Variants in ESRRB observed in about 807,000 individuals in gnomAD.
The protein encoded by ESRRB is steroid hormone receptor ERR2.
Under a neutral mutation model 46.0 loss-of-function variants are expected in ESRRB, and 16 were observed. The observed-to-expected ratio is 0.35, with a 90% CI of 0.24 to 0.53. ESRRB has a LOEUF of 0.53. Ranked by LOEUF, ESRRB falls within the 20% of genes least tolerant of loss-of-function variation. The pLI, the probability that ESRRB is intolerant of heterozygous loss-of-function variation, is 0.93. For synonymous variants in ESRRB, 246 were observed against 259.6 expected, an observed-to-expected ratio of 0.95 and a Z score of 0.50; for missense variants, 488 against 607.4, an observed-to-expected ratio of 0.80 and a Z score of 2.07.
chr14:76,499,708 A>T lies in ESRRB; in HGVS notation c.*1250A>T, dbSNP rs1242252576. ...GCAGTCCCCCTGGCTGTGCCAGGTA[A>T]CCAACCGTCTTGGTTTGTCCAGGAC... On this transcript the variant is annotated 3_prime_UTR_variant, in exon 7 of 7. Coordinates refer to ENST00000644823, the MANE Select transcript of ESRRB (RefSeq NM_001379180.1). The T allele has an allele frequency of 1.5e-5, 11 of 728,986 alleles. No homozygotes were observed. Among genetic ancestry groups the T allele is most frequent in the Non-Finnish European group, 2.7e-5 (11 of 407,486 alleles). The allele number at this position is 728,986 out of a possible 1,614,324, so 45.2% of individuals were successfully genotyped here.
intron 1 of ESRRB, among the ~76,000 whole-genome samples, chr14:76,380,678 A>C (rs553625550): frequency 2.2e-4 from 34 of 152,154 alleles, no homozygotes; most frequent in Non-Finnish European, 4.4e-4. Flanking sequence ...ATTAGCGAGG[A>C]TGCCGCACAG....
At chr14:76,491,405 C>T (rs1025618539) in intron 5 of ESRRB, 42 bp from the exon 6 acceptor site, 1 of 1,602,060 alleles carries the variant, frequency 6.2e-7, no homozygotes, top group Non-Finnish European at 8.5e-7. Flanking sequence ...CTGGTCCGCC[C>T]TCCTGACCTG....
chr14:76,434,728 T>C (rs1887600480), intron 1 of ESRRB, among the ~76,000 whole-genome samples: 1 of 151,814 alleles, frequency 6.6e-6, no homozygotes, highest in Non-Finnish European at 1.5e-5. Context: ...TTTGGAACTC[T>C]GGGTGGCAGT....
intron 1 of ESRRB, among the ~76,000 whole-genome samples, chr14:76,327,246 G>A (rs1050774883): frequency 1.3e-5 from 2 of 152,242 alleles, no homozygotes; most frequent in African/African-American, 4.8e-5. Context: ...CCCACGTGGG[G>A]GTGGGCTGAG....
At chr14:76,380,678 A>T (rs553625550) in intron 1 of ESRRB, among the ~76,000 whole-genome samples, 2 of 152,272 alleles carry the variant, frequency 1.3e-5, no homozygotes, top group African/African-American at 4.8e-5. Flanking sequence ...ATTAGCGAGG[A>T]TGCCGCACAG....
intron 1 of ESRRB, among the ~76,000 whole-genome samples, chr14:76,358,343 GAA>G (rs1884416649): frequency 5.8e-5 from 1 of 17,164 alleles, no homozygotes; most frequent in Non-Finnish European, 1.1e-4. Flanking sequence ...AAGAAAGAAA[GAA>G]AGAAAGAAAG....
At chr14:76,401,472 G>T (rs1206462196) in intron 1 of ESRRB, among the ~76,000 whole-genome samples, 3 of 152,190 alleles carry the variant, frequency 2.0e-5, no homozygotes, top group African/African-American at 7.2e-5. Flanking sequence ...AGCTTCCTGG[G>T]GAGTTCGCCA....
chr14:76,489,217 G>A (rs1175225479), intron 5 of ESRRB, among the ~76,000 whole-genome samples: 1 of 151,628 alleles, frequency 6.6e-6, no homozygotes, highest in Non-Finnish European at 1.5e-5. Context: ...CCTCCAGTCT[G>A]TCTGCTTTTA....
rs1890665115 is a variant in ESRRB at position 76,501,696 on chromosome 14, A to G, written c.*3238A>G. On this transcript the variant is annotated 3_prime_UTR_variant, in exon 7 of 7. Transcript: ENST00000644823. The stretch of plus-strand genomic sequence containing the variant: ...AGATGTATATATTTTTTAAAATGGC[A>G]GTTCCCCATTGCAGCATCACCTACT... 1 of 152,218 alleles carries G rather than the reference A, an allele frequency of 6.6e-6. No individual in the cohort carries two copies. The highest frequency in any genetic ancestry group is 6.5e-5 in the Admixed American group (1 of 15,278). The allele number at this position is 152,218 out of a possible 1,614,324, so 9.4% of individuals were successfully genotyped here. A position where few individuals can be genotyped will look rare whatever the true frequency, so the allele number is the denominator to read the frequency against.
intron 1 of ESRRB, among the ~76,000 whole-genome samples, chr14:76,350,774 G>A (rs1052272143): frequency 4.6e-5 from 7 of 152,162 alleles, no homozygotes; most frequent in African/African-American, 1.7e-4. Flanking sequence ...TCTACCTGAT[G>A]CCACCATGGA....
At chr14:76,438,905 A>G (rs1482623614) in intron 1 of ESRRB, among the ~76,000 whole-genome samples, 1 of 151,910 alleles carries the variant, frequency 6.6e-6, no homozygotes, top group Non-Finnish European at 1.5e-5. Context: ...GGCTCAAGCA[A>G]TCCTCCCTCC....
intron 1 of ESRRB, among the ~76,000 whole-genome samples, chr14:76,319,835 G>GT (rs1883847195): frequency 6.6e-6 from 1 of 152,168 alleles, no homozygotes; most frequent in African/African-American, 2.4e-5. Context: ...CTAATGGATA[G>GT]TCTTGGTGGA....
At chr14:76,420,681 C>A (rs1886918193) in intron 1 of ESRRB, among the ~76,000 whole-genome samples, 1 of 151,756 alleles carries the variant, frequency 6.6e-6, no homozygotes, top group African/African-American at 2.4e-5. Flanking sequence ...GGCACTTTGG[C>A]CAAATGGCCA....
chr14:76,346,929 G>A (rs985367855), intron 1 of ESRRB, among the ~76,000 whole-genome samples: 5 of 152,100 alleles, frequency 3.3e-5, no homozygotes, highest in African/African-American at 7.2e-5. Flanking sequence ...ATTTACTGTC[G>A]GCCAGCAGCT....
intron 1 of ESRRB, among the ~76,000 whole-genome samples, chr14:76,426,347 T>G (rs1887201847): frequency 6.6e-6 from 1 of 152,146 alleles, no homozygotes; most frequent in Non-Finnish European, 1.5e-5. Flanking sequence ...CCACATCCCA[T>G]TGGCCAAGAC....
intron 1 of ESRRB, among the ~76,000 whole-genome samples, chr14:76,327,851 G>A (rs1163449633): frequency 6.6e-6 from 1 of 151,866 alleles, no homozygotes; most frequent in Non-Finnish European, 1.5e-5. Context: ...TTATAGGCAC[G>A]TGCCACCACA....
At chr14:76,485,626 T>TGAGAGAGAGAGAGAGAGAGAGAGAGAGA (rs151021182) in intron 5 of ESRRB, among the ~76,000 whole-genome samples, 6 of 143,840 alleles carry the variant, frequency 4.2e-5, no homozygotes, top group South Asian at 4.6e-4. Context: ...TCCCTATCCC[T>TGAGAGAGAGAGAGAGAGAGAGAGAGAGA]GAGAGAGAGA....
intron 1 of ESRRB, among the ~76,000 whole-genome samples, chr14:76,427,507 T>C (rs1224480493): frequency 6.6e-6 from 1 of 152,126 alleles, no homozygotes; most frequent in Non-Finnish European, 1.5e-5. Flanking sequence ...AAAGGGACTG[T>C]GTCAGTGAAA....
chr14:76,388,421 G>A (rs569140261), intron 1 of ESRRB, among the ~76,000 whole-genome samples: 2 of 152,136 alleles, frequency 1.3e-5, no homozygotes, highest in South Asian at 2.1e-4. Flanking sequence ...TCCTGACCTC[G>A]TGATCCATCT....
Sources: gnomAD v4.1 joint callset for allele counts (sites outside exome capture counted in the v4.1 genomes callset) on GRCh38, gnomAD v4.1.1 for gene constraint, MANE v1.5 for transcripts, NCBI Gene and HGNC (gene_info 2026-07-23, HGNC 2026-07-21) for gene names.